DCDC1: variants seen among roughly 807,000 people sequenced by gnomAD.
DCDC1 encodes the protein doublecortin domain containing 1, also known as doublecortin domain-containing protein 1.
Under a neutral mutation model 178.3 loss-of-function variants are expected in DCDC1, and 200 were observed. The observed-to-expected ratio is 1.12, with a 90% confidence interval of 1.00 to 1.26. The LOEUF is 1.26. DCDC1 is among the 50% of genes most tolerant of loss of function. The pLI is 0.00. For synonymous variants in DCDC1, 690 were observed against 604.8 expected, an observed-to-expected ratio of 1.14 and a Z score of -2.07; for missense variants, 1,983 against 1,749.2, an observed-to-expected ratio of 1.13 and a Z score of -2.38.
intron 36 of DCDC1, among the ~76,000 whole-genome samples, chr11:30,888,156 AAG>A (rs1179884478): frequency 7.3e-6 from 1 of 137,452 alleles, no homozygotes; most frequent in African/African-American, 3.1e-5. Context: ...GAAAGAAAGA[AAG>A]AAAGGGAAAG....
chr11:31,006,034 C>T (rs1345627961), intron 20 of DCDC1, among the ~76,000 whole-genome samples: 3 of 151,180 alleles, frequency 2.0e-5, no homozygotes, highest in Non-Finnish European at 2.9e-5. Flanking sequence ...ACTGCCAAAC[C>T]TTTCAGTGTT....
intron 38 of DCDC1, among the ~76,000 whole-genome samples, chr11:30,876,046 C>T (rs1942087268): frequency 6.6e-6 from 1 of 152,140 alleles, no homozygotes; most frequent in African/African-American, 2.4e-5. Flanking sequence ...ATTCAGTTCT[C>T]CTGAGGAAAA....
At chr11:31,362,510 C>T (rs1266767243) in intron 1 of DCDC1, among the ~76,000 whole-genome samples, 5 of 152,106 alleles carry the variant, frequency 3.3e-5, no homozygotes, top group East Asian at 1.9e-4. Flanking sequence ...TCACTTCAGA[C>T]GATCAGTAAT....
chr11:31,301,752 T>G (rs1948131677), intron 6 of DCDC1, among the ~76,000 whole-genome samples: 1 of 152,212 alleles, frequency 6.6e-6, no homozygotes, highest in South Asian at 2.1e-4. Context: ...ATCATTTCAC[T>G]GACACTTCTA....
chr11:30,929,919 T>C (rs1946827753), intron 22 of DCDC1, among the ~76,000 whole-genome samples: 1 of 152,186 alleles, frequency 6.6e-6, no homozygotes, highest in South Asian at 2.1e-4. Context: ...TTGATTTTCC[T>C]TAGGCTTTGT....
At chr11:31,004,659 G>C (rs1220511213) in intron 20 of DCDC1, among the ~76,000 whole-genome samples, 2 of 145,180 alleles carry the variant, frequency 1.4e-5, no homozygotes, top group Non-Finnish European at 3.0e-5. Context: ...TCCAGCCTGG[G>C]TGACAGAGTG....
chr11:31,093,669 T>C (rs963503901), intron 16 of DCDC1, among the ~76,000 whole-genome samples: 1 of 152,218 alleles, frequency 6.6e-6, no homozygotes, highest in African/African-American at 2.4e-5. Flanking sequence ...AAAGTTGGTA[T>C]ATGTTGGTAA....
chr11:31,339,734 A>C (rs1950449984), intron 1 of DCDC1, among the ~76,000 whole-genome samples: 1 of 152,338 alleles, frequency 6.6e-6, no homozygotes, highest in Middle Eastern at 3.4e-3. Context: ...CAGCAGCAAC[A>C]TTGTAATCAC....
intron 20 of DCDC1, among the ~76,000 whole-genome samples, chr11:31,007,594 TG>T (rs56105290): frequency 0.11 from 16,062 of 152,214 alleles, 1,035 homozygotes; most frequent in Admixed American, 0.18. Context: ...TGGGGCTGAA[TG>T]GGTCATTTGT....
intron 1 of DCDC1, among the ~76,000 whole-genome samples, chr11:31,358,847 T>C (rs1012411125): frequency 3.3e-5 from 5 of 152,184 alleles, no homozygotes; most frequent in African/African-American, 1.2e-4. Flanking sequence ...TCACCATCAC[T>C]GGCCATCAGA....
At chr11:31,216,571 G>A (rs183316017) in intron 9 of DCDC1, among the ~76,000 whole-genome samples, 2 of 152,168 alleles carry the variant, frequency 1.3e-5, no homozygotes, top group African/African-American at 2.4e-5. Context: ...ACAAGCAGAT[G>A]TCATAAAATC....
At chr11:30,888,567 A>G (rs1565031167) in intron 36 of DCDC1, among the ~76,000 whole-genome samples, 2 of 152,076 alleles carry the variant, frequency 1.3e-5, no homozygotes, top group Non-Finnish European at 2.9e-5. Flanking sequence ...AAAATACAAA[A>G]TTAGCCAGGT....
At chr11:30,955,537 C>A (rs1004993358) in intron 20 of DCDC1, among the ~76,000 whole-genome samples, 3 of 152,176 alleles carry the variant, frequency 2.0e-5, no homozygotes, top group Non-Finnish European at 2.9e-5. Flanking sequence ...TGAACACAAC[C>A]TCAAACTGGT....
intron 17 of DCDC1, among the ~76,000 whole-genome samples, chr11:31,086,011 G>C (rs1386763695): frequency 2.0e-5 from 3 of 152,036 alleles, no homozygotes; most frequent in African/African-American, 7.3e-5. Flanking sequence ...GGGATTACAG[G>C]TGTGAGCCAC....
At position 31,094,095 on chromosome 11, in the gene DCDC1, C is replaced by A. The variant is rs372424479; in HGVS notation, c.2073G>T (p.Ala691=). ...GSEASSRSQI[A]PSILWPVASV... ...TGGCTACAGGCCACAGGATCGATGG[C>A]GCTATTTGACTCCTGCTGCTTGCTT... The change falls in exon 16 of 39, where the codon GCG becomes GCT. Residue 691 remains alanine (A), a synonymous_variant. Transcript: ENST00000684477. 3 of 766,172 alleles carry A rather than the reference C, an allele frequency of 3.9e-6. No homozygotes were observed. Among genetic ancestry groups the A allele is most frequent in the South Asian group, 1.3e-5 (1 of 74,612 alleles). The allele number at this position is 766,172 out of a possible 1,614,324, so 47.5% of individuals were successfully genotyped here.
intron 9 of DCDC1, among the ~76,000 whole-genome samples, chr11:31,229,477 A>G (rs1246893146): frequency 1.3e-5 from 2 of 152,320 alleles, no homozygotes; most frequent in Non-Finnish European, 1.5e-5. Flanking sequence ...AAATGAATCA[A>G]CGTAATTCAC....
intron 9 of DCDC1, among the ~76,000 whole-genome samples, chr11:31,212,093 A>C (rs1477592866): frequency 4.6e-5 from 7 of 151,922 alleles, no homozygotes; most frequent in Non-Finnish European, 1.0e-4. Flanking sequence ...AAAAAAAAAA[A>C]AAAAACAGCT....
intron 1 of DCDC1, among the ~76,000 whole-genome samples, chr11:31,366,198 C>A (rs1325334507): frequency 6.6e-6 from 1 of 152,154 alleles, no homozygotes; most frequent in African/African-American, 2.4e-5. Flanking sequence ...CACATATGTT[C>A]TGACTCTAGA....
At chr11:31,349,226 G>A (rs1209193713) in intron 1 of DCDC1, among the ~76,000 whole-genome samples, 1 of 152,130 alleles carries the variant, frequency 6.6e-6, no homozygotes, top group East Asian at 1.9e-4. Context: ...AAGCAAACCA[G>A]TTCTTGCATA....
Sources: allele counts gnomAD v4.1 joint callset (sites outside exome capture counted in the v4.1 genomes callset), GRCh38; gene constraint gnomAD v4.1.1; transcripts MANE v1.5; gene names NCBI Gene and HGNC (gene_info 2026-07-23, HGNC 2026-07-21).